Variants in SLCO3A1 observed in about 807,000 individuals in gnomAD.
SLCO3A1 encodes PGE1 transporter.
Under a neutral mutation model 63.1 loss-of-function variants are expected in SLCO3A1, and 27 were observed. The observed-to-expected ratio is 0.43, with a 90% confidence interval of 0.32 to 0.59. The LOEUF is 0.59. SLCO3A1 is among the 20% of genes least tolerant of loss of function. The pLI is 0.09. For synonymous variants in SLCO3A1, 473 were observed against 409.9 expected, an observed-to-expected ratio of 1.15 and a Z score of -1.86; for missense variants, 773 against 945.8, an observed-to-expected ratio of 0.82 and a Z score of 2.40.
chr15:92,034,029 G>A (rs1385259033), intron 2 of SLCO3A1, among the ~76,000 whole-genome samples: 1 of 146,816 alleles, frequency 6.8e-6, no homozygotes, highest in African/African-American at 2.4e-5. Context: ...GGCTGATCTT[G>A]GCTTTTATGC....
intron 4 of SLCO3A1, among the ~76,000 whole-genome samples, chr15:92,104,941 TG>T (rs111664362): frequency 1.3e-5 from 2 of 151,572 alleles, no homozygotes; most frequent in Non-Finnish European, 2.9e-5. Flanking sequence ...CAGCATTCTT[TG>T]AAAAGCCACC....
intron 10 of SLCO3A1, chr15:92,171,623 A>G (rs1478822440): frequency 6.6e-6 from 4 of 609,128 alleles, no homozygotes; most frequent in Non-Finnish European, 1.2e-5. Flanking sequence ...TTGGGGTTAC[A>G]TGGAATGAAA....
At chr15:92,021,193 C>A (rs191068851) in intron 2 of SLCO3A1, among the ~76,000 whole-genome samples, 8 of 152,170 alleles carry the variant, frequency 5.3e-5, no homozygotes, top group African/African-American at 1.7e-4. Context: ...ACTTAGTATG[C>A]CCTTGATAGT....
At chr15:92,127,062 T>C (rs555400404) in intron 6 of SLCO3A1, among the ~76,000 whole-genome samples, 1 of 152,294 alleles carries the variant, frequency 6.6e-6, no homozygotes, top group South Asian at 2.1e-4. Flanking sequence ...CCCACAAGGG[T>C]GAGCAGGCAG....
intron 2 of SLCO3A1, among the ~76,000 whole-genome samples, chr15:92,066,671 G>A (rs1170400606): frequency 1.3e-5 from 2 of 152,166 alleles, no homozygotes; most frequent in South Asian, 2.1e-4. Context: ...TAAGAATAGC[G>A]CCTGCCTTGT....
At chr15:92,059,666 A>T (rs1336328270) in intron 2 of SLCO3A1, among the ~76,000 whole-genome samples, 1 of 152,082 alleles carries the variant, frequency 6.6e-6, no homozygotes, top group Non-Finnish European at 1.5e-5. Flanking sequence ...TAGATATCAA[A>T]ATTCACATTG....
chr15:91,976,251 A>G (rs1259349825), intron 2 of SLCO3A1, among the ~76,000 whole-genome samples: 1 of 151,804 alleles, frequency 6.6e-6, no homozygotes, highest in Non-Finnish European at 1.5e-5. Flanking sequence ...AGTTAGTACC[A>G]AAAAAAGACT....
At chr15:91,923,418 G>T (rs566934892) in intron 2 of SLCO3A1, among the ~76,000 whole-genome samples, 5 of 152,302 alleles carry the variant, frequency 3.3e-5, no homozygotes, top group African/African-American at 9.6e-5. Flanking sequence ...AACCAGCAGC[G>T]CTCTTCTTTT....
Position 91,853,734 on chromosome 15 carries a change from GA to G in SLCO3A1, c.-174del. The G allele has an allele frequency of 1.8e-6, 1 of 571,236 alleles. No homozygotes were observed. The highest frequency in any genetic ancestry group is 2.3e-6 in the Non-Finnish European group (1 of 440,948). The allele number at this position is 571,236 out of a possible 1,614,324, so 35.4% of individuals were successfully genotyped here. A position where few individuals can be genotyped will look rare whatever the true frequency, so the allele number is the denominator to read the frequency against. ...CGATCGCGGCGGCGGCGGCGGCGGCGAGGAGCTGTGCCTTCCACCTCTCCAG... is the reference window on the plus strand; with the variant it reads ...CGATCGCGGCGGCGGCGGCGGCGGCGGGAGCTGTGCCTTCCACCTCTCCAG... On this transcript the variant is annotated 5_prime_UTR_variant, in exon 1 of 10. Coordinates refer to ENST00000318445, the MANE Select transcript of SLCO3A1 (RefSeq NM_013272.4).
chr15:91,986,175 C>A (rs990713381), intron 2 of SLCO3A1, among the ~76,000 whole-genome samples: 4 of 152,130 alleles, frequency 2.6e-5, no homozygotes, highest in Non-Finnish European at 4.4e-5. Flanking sequence ...CCACCATGCT[C>A]GGCCTATATT....
At chr15:91,923,196 C>T (rs1597124010) in intron 2 of SLCO3A1, among the ~76,000 whole-genome samples, 4 of 152,304 alleles carry the variant, frequency 2.6e-5, no homozygotes, top group East Asian at 1.9e-4. Flanking sequence ...GTCCTGTACA[C>T]GGTGGGGATC....
chr15:92,156,796 C>G (rs2048376462), intron 9 of SLCO3A1, among the ~76,000 whole-genome samples: 1 of 152,116 alleles, frequency 6.6e-6, no homozygotes, highest in Non-Finnish European at 1.5e-5. Context: ...CAGAGAGAAA[C>G]AGATATCTTT....
At chr15:91,921,348 A>T (rs1172163663) in intron 2 of SLCO3A1, among the ~76,000 whole-genome samples, 2 of 152,186 alleles carry the variant, frequency 1.3e-5, no homozygotes, top group African/African-American at 4.8e-5. Flanking sequence ...CTCCAAATAT[A>T]GTCAGTCACA....
At position 91,862,329 on chromosome 15, in the gene SLCO3A1, T is replaced by G. The variant is rs1897068747; in HGVS notation, c.180+8241T>G. ...CCACCACTCGGCTAATTTTTTGTAT[T>G]TTTTTTAGTGGAGACGGGGTTTCAC... On this transcript the variant is annotated intron_variant, in intron 1 of 9. Coordinates refer to ENST00000318445, the MANE Select transcript of SLCO3A1 (RefSeq NM_013272.4). This position sits in a 1 kb window ranked among gnomAD's most constrained non-coding sequence, Gnocchi z 4.0. Among the ~76,000 whole-genome samples the G allele has an allele frequency of 6.6e-6, 1 of 151,684 alleles. No individual in the cohort carries two copies. Among genetic ancestry groups the G allele is most frequent in the Admixed American group, 6.6e-5 (1 of 15,252 alleles).
chr15:92,076,539 T>A (rs2047278990), intron 2 of SLCO3A1, among the ~76,000 whole-genome samples: 1 of 152,312 alleles, frequency 6.6e-6, no homozygotes, highest in Non-Finnish European at 1.5e-5. Context: ...GGCCTGGGCA[T>A]GAATCCACGG....
chr15:91,954,686 C>G lies in SLCO3A1; in HGVS notation c.646+38228C>G, dbSNP rs1209152520. Among the ~76,000 whole-genome samples the G allele has an allele frequency of 6.6e-6, 1 of 151,864 alleles. No homozygotes were observed. Among genetic ancestry groups the G allele is most frequent in the Non-Finnish European group, 1.5e-5 (1 of 67,990 alleles). ...ATATATGATTTTTATCAGGGTGGAGCCCCTGTGGTTAGAGCCCAATGAGTG... is the reference window on the plus strand; with the variant it reads ...ATATATGATTTTTATCAGGGTGGAGGCCCTGTGGTTAGAGCCCAATGAGTG... On this transcript the variant is annotated intron_variant, in intron 2 of 9. Coordinates refer to ENST00000318445, the MANE Select transcript of SLCO3A1 (RefSeq NM_013272.4). The surrounding 1 kb of genome is among the most constrained non-coding windows in gnomAD (Gnocchi z 4.7).
intron 2 of SLCO3A1, among the ~76,000 whole-genome samples, chr15:92,006,588 A>T (rs1375789307): frequency 1.3e-5 from 2 of 152,008 alleles, no homozygotes; most frequent in Non-Finnish European, 2.9e-5. Context: ...TGTGCCCAAC[A>T]CTCCTTGTGT....
chr15:91,906,545 A>C (rs767891711), intron 1 of SLCO3A1, among the ~76,000 whole-genome samples: 10 of 152,268 alleles, frequency 6.6e-5, no homozygotes, highest in Non-Finnish European at 1.2e-4. Flanking sequence ...ACAGTTCTGC[A>C]TATAGCAGCG....
At chr15:92,029,299 C>G (rs2046616556) in intron 2 of SLCO3A1, among the ~76,000 whole-genome samples, 1 of 152,210 alleles carries the variant, frequency 6.6e-6, no homozygotes, top group East Asian at 1.9e-4. Flanking sequence ...ATGGGAACAG[C>G]TATCAGGGAT....
Sources: gnomAD v4.1 joint callset for allele counts (sites outside exome capture counted in the v4.1 genomes callset) on GRCh38, gnomAD v4.1.1 for gene constraint, Gnocchi (gnomAD v3.1) non-coding constraint, MANE v1.5 for transcripts, NCBI Gene and HGNC (gene_info 2026-07-23, HGNC 2026-07-21) for gene names.